The following WRN variants were observed in gnomAD, a reference collection of about 807,000 sequenced individuals.
WRN encodes the protein WRN RecQ like helicase.
A neutral mutation model predicts 180.7 loss-of-function variants in WRN; 149 were observed. That is an observed-to-expected ratio of 0.82 (90% confidence interval 0.72 to 0.94). WRN has a LOEUF of 0.94. Ranked by LOEUF, WRN falls within the 40% of genes least tolerant of loss-of-function variation. The probability of loss-of-function intolerance (pLI) is 0.00; values close to 1 mark genes in which losing one functional copy is unlikely to be tolerated. For missense variants in WRN, 1,661 were observed against 1,700.1 expected (o/e 0.98, Z 0.40); for synonymous variants, 548 against 568.9 (o/e 0.96, Z 0.52).
intron 5 of WRN, among the ~76,000 whole-genome samples, chr8:31,065,664 A>C (rs957996170): frequency 1.1e-4 from 16 of 152,116 alleles, no homozygotes; most frequent in African/African-American, 3.9e-4. Flanking sequence ...GGCTGATTCC[A>C]TGTCTTTGCT....
In WRN at chr8:31,147,078, G is replaced by A. The variant is rs545826298; in HGVS notation, c.3409G>A (p.Ala1137Thr). Residue 1137 changes from alanine to threonine, a missense_variant, in exon 29 of 35, where the codon GCT (alanine) becomes ACT (threonine). Coordinates refer to ENST00000298139, the MANE Select transcript of WRN (RefSeq NM_000553.6). ...KSIMVQSPEK[A>T]YSSSQPVISA... is the part of the protein sequence containing the mutation. ...TATCATGGTACAGTCACCAGAAAAAGCTTACAGTTCCTCACAGCCTGTTAT... is the reference window on the plus strand; with the variant it reads ...TATCATGGTACAGTCACCAGAAAAAACTTACAGTTCCTCACAGCCTGTTAT... The A allele has an allele frequency of 3.1e-6, 5 of 1,613,692 alleles. No individual in the cohort carries two copies. Among genetic ancestry groups the A allele is most frequent in the East Asian group, 4.5e-5 (2 of 44,808 alleles).
intron 9 of WRN, among the ~76,000 whole-genome samples, chr8:31,083,393 C>T (rs2344455): frequency 3.3e-5 from 5 of 152,244 alleles, no homozygotes; most frequent in East Asian, 1.9e-4. Context: ...CACAGTGTGA[C>T]ATTGTTTAAC....
intron 28 of WRN, among the ~76,000 whole-genome samples, chr8:31,146,488 T>C (rs560294971): frequency 6.6e-6 from 1 of 152,164 alleles, no homozygotes; most frequent in African/African-American, 2.4e-5. Context: ...TTTCAATCTC[T>C]CATTATTTGT....
chr8:31,078,118 C>G (rs1388705309), intron 8 of WRN, among the ~76,000 whole-genome samples: 3 of 152,138 alleles, frequency 2.0e-5, no homozygotes, highest in African/African-American at 7.2e-5. Flanking sequence ...GCTTTTTTCC[C>G]CTTGGCCCTT....
intron 23 of WRN, among the ~76,000 whole-genome samples, chr8:31,131,015 T>C (rs1004741187): frequency 6.6e-6 from 1 of 151,952 alleles, no homozygotes; most frequent in Non-Finnish European, 1.5e-5. Context: ...ATTGGCCATT[T>C]AGTTAAAAAA....
intron 21 of WRN, among the ~76,000 whole-genome samples, chr8:31,121,068 C>T (rs1443807297): frequency 1.3e-5 from 2 of 151,960 alleles, no homozygotes; most frequent in South Asian, 2.1e-4. Context: ...TTTGTTGGCA[C>T]TTAAGTTCTA....
At chr8:31,106,601 A>C (rs1356762072) in intron 18 of WRN, among the ~76,000 whole-genome samples, 3 of 151,900 alleles carry the variant, frequency 2.0e-5, no homozygotes, top group Non-Finnish European at 4.4e-5. Flanking sequence ...CACATTGTCT[A>C]TAGGATGTTC....
Position 31,068,311 on chromosome 8 carries a change from G to T in WRN, c.708G>T (p.Arg236Ser). The T allele has an allele frequency of 6.2e-7, 1 of 1,607,764 alleles. No individual in the cohort carries two copies. The highest frequency in any genetic ancestry group is 8.5e-7 in the Non-Finnish European group (1 of 1,175,208). Residue 236 changes from arginine (R) to serine (S), a missense_variant, in exon 7 of 35, where the codon AGG becomes AGT. Coordinates refer to ENST00000298139, the MANE Select transcript of WRN (RefSeq NM_000553.6). ...NLEILDDTVQ[R>S]FAINKEEEIL... The stretch of plus-strand genomic sequence containing the variant: ...AGATTTTGGATGATACTGTGCAAAG[G>T]TTTGCTATAAATAAAGGTATGTTAA...
intron 34 of WRN, among the ~76,000 whole-genome samples, chr8:31,169,321 T>A (rs1214748277): frequency 1.3e-5 from 2 of 151,650 alleles, no homozygotes; most frequent in African/African-American, 2.4e-5. Flanking sequence ...TTTTTTAGAT[T>A]TAAAAATTCT....
At chr8:31,050,788 A>G (rs1042759616) in intron 1 of WRN, among the ~76,000 whole-genome samples, 1 of 152,162 alleles carries the variant, frequency 6.6e-6, no homozygotes, top group Non-Finnish European at 1.5e-5. Context: ...TGAAATTATT[A>G]CTTAAGTATT....
chr8:31,054,046 G>A (rs1812174698), intron 1 of WRN, among the ~76,000 whole-genome samples: 1 of 152,142 alleles, frequency 6.6e-6, no homozygotes, highest in Non-Finnish European at 1.5e-5. Context: ...GGTGAAAAAG[G>A]AGTTTTCAGT....
chr8:31,158,957 C>G (rs1356680355), intron 33 of WRN, among the ~76,000 whole-genome samples: 2 of 151,936 alleles, frequency 1.3e-5, no homozygotes, highest in Non-Finnish European at 1.5e-5. Flanking sequence ...CCAAATACTG[C>G]ATGTTCTTAC....
chr8:31,086,524 G>A (rs73581715), intron 11 of WRN, among the ~76,000 whole-genome samples: 2,794 of 152,004 alleles, frequency 0.018, 70 homozygotes, highest in African/African-American at 0.064. Flanking sequence ...GCTGCAGTTA[G>A]CCATGACCAT....
chr8:31,045,865 T>A (rs773472834), intron 1 of WRN, among the ~76,000 whole-genome samples: 15 of 152,202 alleles, frequency 9.9e-5, no homozygotes, highest in Admixed American at 6.5e-5. Flanking sequence ...TTCTGATGAC[T>A]TTTTTTCTTG....
intron 16 of WRN, among the ~76,000 whole-genome samples, chr8:31,096,244 T>A (rs955918878): frequency 6.6e-6 from 1 of 152,240 alleles, no homozygotes; most frequent in East Asian, 1.9e-4. Context: ...GCTTTTAAAG[T>A]CTTTCCATAT....
At chr8:31,059,074 C>G (rs1252631986) in intron 2 of WRN, 79 bp from the exon 3 acceptor site, 6 of 1,040,726 alleles carry the variant, frequency 5.8e-6, no homozygotes, top group Non-Finnish European at 9.1e-6. Flanking sequence ...TTGAATGCTT[C>G]AGTGAACTTT....
chr8:31,070,549 C>G (rs1039371951), intron 7 of WRN, among the ~76,000 whole-genome samples: 3 of 152,066 alleles, frequency 2.0e-5, no homozygotes, highest in African/African-American at 7.2e-5. Context: ...CAGGCATACT[C>G]TGTTTCCTGA....
chr8:31,092,926 G>T (rs572993758), intron 16 of WRN, among the ~76,000 whole-genome samples: 5 of 152,136 alleles, frequency 3.3e-5, no homozygotes, highest in Non-Finnish European at 7.4e-5. Context: ...TGTATCAGTA[G>T]TTTTTTGTTT....
At chr8:31,084,343 C>CAA (rs1813439646) in intron 10 of WRN, among the ~76,000 whole-genome samples, 1 of 152,056 alleles carries the variant, frequency 6.6e-6, no homozygotes, top group Non-Finnish European at 1.5e-5. Flanking sequence ...AAATTATTGC[C>CAA]ATTTTTTTAT....
Sources: gnomAD v4.1 joint callset for allele counts (sites outside exome capture counted in the v4.1 genomes callset) on GRCh38, gnomAD v4.1.1 for gene constraint, MANE v1.5 for transcripts, NCBI Gene and HGNC (gene_info 2026-07-23, HGNC 2026-07-21) for gene names.